Variants in ZNF486 observed in about 807,000 individuals in gnomAD.
ZNF486 encodes the protein KRAB box only protein 2.
ZNF486 carries 12 observed loss-of-function variants against 12.8 expected under a neutral mutation model. The ratio of observed to expected loss-of-function variants is 0.94; its 90% CI spans 0.60 to 1.52. The LOEUF is 1.52. Ranked by LOEUF, ZNF486 falls within the 40% of genes most tolerant of loss-of-function variation. ZNF486 has a pLI of 0.00. For synonymous variants in ZNF486, 231 were observed against 184.9 expected (o/e 1.25, Z -2.02); for missense variants, 738 against 545.0 (o/e 1.35, Z -3.53).
rs782133605 is a variant in ZNF486, at chr19:20,184,423, C to T, written c.98C>T (p.Ala33Val). The T allele has an allele frequency of 3.7e-6, 6 of 1,613,406 alleles. No individual in the cohort carries two copies. Among genetic ancestry groups the T allele is most frequent in the Non-Finnish European group, 4.2e-6 (5 of 1,179,756 alleles). Residue 33 changes from alanine (A) to valine (V), a missense_variant, in exon 2 of 4, where the codon GCA becomes GTA. Transcript: ENST00000335117. ...GAGGAGTGGCATTGCCTGGACACTG[C>T]ACAGCAGAATTTATATAGGGATGTG... ...SLEEWHCLDT[A>V]QQNLYRDVML...
chr19:20,175,776 G>A (rs970733695), intron 1 of ZNF486, among the ~76,000 whole-genome samples: 6 of 152,150 alleles, frequency 3.9e-5, no homozygotes, highest in Admixed American at 2.6e-4. Flanking sequence ...AGTCTTTTCC[G>A]CACCTTTCCC....
intron 3 of ZNF486, among the ~76,000 whole-genome samples, chr19:20,187,402 A>G (rs1295299860): frequency 6.6e-6 from 1 of 151,904 alleles, no homozygotes; most frequent in African/African-American, 2.4e-5. Flanking sequence ...TTCTTCTGCC[A>G]CATGCTTCCA....
chr19:20,185,404 G>GTTTTTTTTTTTTT (rs782413355), intron 2 of ZNF486, among the ~76,000 whole-genome samples: 68 of 69,612 alleles, frequency 9.8e-4, no homozygotes, highest in Non-Finnish European at 1.3e-3. Flanking sequence ...TATTGTTTAT[G>GTTTTTTTTTTTTT]TTTTTTTTTT....
intron 3 of ZNF486, among the ~76,000 whole-genome samples, chr19:20,194,624 ACGCT>A (rs1316010447): frequency 2.0e-5 from 3 of 152,126 alleles, no homozygotes; most frequent in African/African-American, 7.2e-5. Flanking sequence ...GCTACTCAGG[ACGCT>A]GAGGCAGGAG....
At position 20,197,041 on chromosome 19, in the gene ZNF486, A is replaced by G; in HGVS notation, c.331A>G (p.Lys111Glu). The G allele has an allele frequency of 6.2e-7, 1 of 1,610,800 alleles. No individual in the cohort carries two copies. The highest frequency in any genetic ancestry group is 1.1e-5 in the South Asian group (1 of 90,100). ...KDSYQKVILRKFEKCGHGNLH... is the reference protein window; with the variant it reads ...KDSYQKVILREFEKCGHGNLH... ...TTCTTACCAAAAAGTGATACTGAGA[A>G]AATTTGAAAAATGTGGACATGGCAA... Residue 111 changes from lysine (K) to glutamate (E), a missense_variant, in exon 4 of 4, where the codon AAA becomes GAA. Transcript: ENST00000335117.
At position 20,184,307 on chromosome 19, in the gene ZNF486, T is replaced by A. The variant is rs142873662; in HGVS notation, c.31-49T>A. 28 of 1,605,684 alleles carry A rather than the reference T, an allele frequency of 1.7e-5. No homozygotes were observed. The African/African-American group carries it at 3.3e-4, about 19-fold the overall frequency. On this transcript the variant is annotated intron_variant, in intron 1 of 3. Transcript: ENST00000335117. ...TCTCATTTCACCTTAAATTAAAAAT[T>A]CCACCAACGGCGACTTGGTGAAAAT...
intron 3 of ZNF486, among the ~76,000 whole-genome samples, chr19:20,196,559 A>C (rs1352520144): frequency 2.0e-5 from 3 of 152,052 alleles, no homozygotes; most frequent in African/African-American, 7.2e-5. Flanking sequence ...TGAACTCCTG[A>C]CCTCAAGTGA....
At chr19:20,175,823 G>A (rs940308026) in intron 1 of ZNF486, among the ~76,000 whole-genome samples, 1 of 152,186 alleles carries the variant, frequency 6.6e-6, no homozygotes, top group African/African-American at 2.4e-5. Flanking sequence ...TGTCATCATG[G>A]CCCGTTCTCA....
rs554944020 is a variant in ZNF486, at chr19:20,182,167, T to A, written c.31-2189T>A. On this transcript the variant is annotated intron_variant, in intron 1 of 3. Transcript: ENST00000335117. ...GCTAAATGTAAGGGACCCTGTGCTG[T>A]TCCTGCTTTCTCTAACTAATGCTAA... is the stretch of plus-strand genomic sequence containing the variant. 6.6e-5 allele frequency among the ~76,000 whole-genome samples: 10 copies of A among 152,300 alleles called. No homozygotes were observed. In the South Asian group the frequency reaches 2.1e-3, roughly 32 times the overall value.
chr19:20,193,525 C>T (rs1218620971), intron 3 of ZNF486, among the ~76,000 whole-genome samples: 1 of 151,920 alleles, frequency 6.6e-6, no homozygotes, highest in African/African-American at 2.4e-5. Context: ...TCCGGGCATG[C>T]TGGCAGGTGC....
At chr19:20,171,976 C>T (rs976833774) in intron 1 of ZNF486, among the ~76,000 whole-genome samples, 1 of 150,462 alleles carries the variant, frequency 6.6e-6, no homozygotes, top group South Asian at 2.1e-4. Flanking sequence ...TCTGTTTCTA[C>T]GTTAGTTTCC....
At chr19:20,175,374 C>T (rs544083660) in intron 1 of ZNF486, 5 of 120,064 alleles carry the variant, frequency 4.2e-5, no homozygotes, top group Admixed American at 1.8e-4. Context: ...GGGTGTTTCT[C>T]GCAGAGGGGG....
At position 20,180,794 on chromosome 19, in the gene ZNF486, G is replaced by A. The variant is rs572062547; in HGVS notation, c.31-3562G>A. ...CCACCTTGGCCTCACAAAGTGTTGG[G>A]ATTACAGGTGTAAGGCAGTGCACCC... On this transcript the variant is annotated intron_variant, in intron 1 of 3. Transcript: ENST00000335117. Among the ~76,000 whole-genome samples, 98 of 152,216 alleles carry A rather than the reference G, an allele frequency of 6.4e-4. 1 individual carries two copies. The South Asian group carries it at 0.02, about 31-fold the overall frequency.
At chr19:20,191,837 G>A (rs1053136422) in intron 3 of ZNF486, among the ~76,000 whole-genome samples, 1 of 152,002 alleles carries the variant, frequency 6.6e-6, no homozygotes, top group African/African-American at 2.4e-5. Flanking sequence ...AAAATAATAT[G>A]GTCTATAATG....
intron 3 of ZNF486, among the ~76,000 whole-genome samples, chr19:20,194,118 C>T (rs1214216573): frequency 6.6e-6 from 1 of 151,808 alleles, no homozygotes; most frequent in African/African-American, 2.4e-5. Context: ...GTTTTCTGTA[C>T]CATTATGATG....
intron 1 of ZNF486, among the ~76,000 whole-genome samples, chr19:20,178,154 T>C (rs1468206602): frequency 2.0e-5 from 3 of 151,828 alleles, no homozygotes; most frequent in Non-Finnish European, 2.9e-5. Flanking sequence ...TCTAGAACTC[T>C]TGACCTCAGG....
chr19:20,172,667 TGAGATG>T (rs1165414993), intron 1 of ZNF486, among the ~76,000 whole-genome samples: 3 of 146,426 alleles, frequency 2.0e-5, no homozygotes, highest in Non-Finnish European at 4.5e-5. Flanking sequence ...TTTTTTTTTG[TGAGATG>T]GAGTCGCTTA....
chr19:20,168,301 G>A (rs145744365), intron 1 of ZNF486, among the ~76,000 whole-genome samples: 11 of 152,134 alleles, frequency 7.2e-5, no homozygotes, highest in Non-Finnish European at 1.5e-4. Context: ...GGAGGTTGCA[G>A]TGAGCTGAGA....
chr19:20,174,372 G>A (rs1205316864), intron 1 of ZNF486, among the ~76,000 whole-genome samples: 1 of 151,262 alleles, frequency 6.6e-6, no homozygotes, highest in Non-Finnish European at 1.5e-5. Flanking sequence ...ACATTTAACA[G>A]TATTTTGTTT....
Sources: gnomAD v4.1 joint callset for allele counts (sites outside exome capture counted in the v4.1 genomes callset) on GRCh38, gnomAD v4.1.1 for gene constraint, MANE v1.5 for transcripts, NCBI Gene and HGNC (gene_info 2026-07-23, HGNC 2026-07-21) for gene names.